The following DCTN1 variants were observed in gnomAD, a reference collection of about 807,000 sequenced individuals.
DCTN1 encodes dynactin subunit 1, also known as 150 kDa dynein-associated polypeptide.
A neutral mutation model predicts 161.2 loss-of-function variants in DCTN1; 61 were observed. The observed-to-expected ratio is 0.38, with a 90% CI of 0.31 to 0.47. The LOEUF (loss-of-function observed/expected upper bound fraction) is 0.47, where lower values mean the gene tolerates loss of function less well. DCTN1 is among the 20% of genes least tolerant of loss of function. DCTN1 has a pLI of 0.99. For missense variants in DCTN1, 1,404 were observed against 1,623.7 expected, an observed-to-expected ratio of 0.86 and a Z score of 2.33; for synonymous variants, 653 against 632.4, an observed-to-expected ratio of 1.03 and a Z score of -0.49.
chr2:74,363,515 C>A (rs757825949), intron 27 of DCTN1, 88 bp from the exon 28 acceptor site: 334 of 1,596,762 alleles, frequency 2.1e-4, no homozygotes, highest in Non-Finnish European at 2.7e-4. Flanking sequence ...TTCCTCATCC[C>A]CCCATCACCC....
At position 74,363,093 on chromosome 2, in the gene DCTN1, G is replaced by T. The variant is rs1399568739; in HGVS notation, c.3430C>A (p.Pro1144Thr). 1.9e-6 allele frequency: 3 copies of T among 1,613,888 alleles called. No individual in the cohort carries two copies. Among genetic ancestry groups the T allele is most frequent in the Middle Eastern group, 1.7e-4 (1 of 6,060 alleles). ...GTCTTACGATACAGCGCTCCAGCTGGTAACTCACTGCCAGGGCCCTCATGG... is the reference window on the plus strand; with the variant it reads ...GTCTTACGATACAGCGCTCCAGCTGTTAACTCACTGCCAGGGCCCTCATGG... ...LSHEGPGSEL[P>T]AGALYRKTSQ... Residue 1144 changes from proline (P) to threonine (T), a missense_variant, in exon 29 of 32, where the codon CCA (proline) becomes ACA (threonine). Physicochemically the swap from Pro to Thr is conservative, Grantham distance 38 (BLOSUM62 -1). Around this residue, in one of 9 missense-constraint regions of DCTN1, gnomAD observed 311 missense variants for 298.9 expected, o/e 1.04. Transcript: ENST00000628224.
intron 23 of DCTN1, 42 bp downstream of exon 23, chr2:74,366,202 C>T: frequency 6.2e-7 from 1 of 1,613,636 alleles, no homozygotes; most frequent in Non-Finnish European, 8.5e-7. Context: ...AAGTCTTACT[C>T]CTACAGGCCT....
rs1282839809 is a variant in DCTN1, at chr2:74,370,427, A to G, written c.1127+39T>C. 6 of 1,614,080 alleles carry G rather than the reference A, an allele frequency of 3.7e-6. No homozygotes were observed. The South Asian group carries it at 5.5e-5, about 15-fold the overall frequency. On this transcript the variant is annotated intron_variant, in intron 11 of 31. Transcript: ENST00000628224. This position sits in a 1 kb window ranked among gnomAD's most constrained non-coding sequence, Gnocchi z 4.4. ...TGGGTGCTCTAACACATTTGGAGAC[A>G]CAAGAGTAAGCATCAGAGGCAAGCA...
At chr2:74,373,875 T>C (rs1464110492) in intron 6 of DCTN1, among the ~76,000 whole-genome samples, 1 of 152,166 alleles carries the variant, frequency 6.6e-6, no homozygotes. Context: ...AGGTTCCCCA[T>C]CCCACCCTGG....
At chr2:74,362,231 CA>C (rs1210152356) in intron 30 of DCTN1, 90 bp from the exon 31 acceptor site, 7 of 1,131,330 alleles carry the variant, frequency 6.2e-6, no homozygotes, top group African/African-American at 3.0e-5. Context: ...ACACTAATAC[CA>C]GGGGGGCAGG....
At chr2:74,391,029 C>T (rs756838320) in intron 1 of DCTN1, 1 of 152,426 alleles carries the variant, frequency 6.6e-6, no homozygotes, top group Non-Finnish European at 1.5e-5. Context: ...AGTTTAACCA[C>T]GAATTTTCCA....
chr2:74,374,479 C>T, intron 5 of DCTN1, 139 bp from the exon 6 acceptor site: 4 of 1,527,190 alleles, frequency 2.6e-6, no homozygotes, highest in East Asian at 2.4e-5. Flanking sequence ...GCGGCGGAGA[C>T]AGGAGATTAG....
intron 26 of DCTN1, 71 bp downstream of exon 26, chr2:74,365,004 C>T: frequency 6.2e-7 from 1 of 1,606,044 alleles, no homozygotes; most frequent in Non-Finnish European, 8.5e-7. Flanking sequence ...GGGCAGAGGT[C>T]AAAATGAGGC....
At position 74,372,930 on chromosome 2, in the gene DCTN1, T is replaced by C; in HGVS notation, c.451A>G (p.Lys151Glu). Residue 151 changes from lysine to glutamate, a missense_variant and splice_region_variant, in exon 7 of 32, where the codon AAG becomes GAG. Around this residue, in one of 9 missense-constraint regions of DCTN1, gnomAD observed 174 missense variants for 175.6 expected, o/e 0.99. Coordinates refer to ENST00000628224, the MANE Select transcript of DCTN1 (RefSeq NM_004082.5). ...CACACAGGGGCCTGTTTTCTCACCT[T>C]GGGTCGCCGAGTTGTGGTCTGGACA... ...TARKTTTRRP[K>E]PTRPASTGVA... 1 of 1,614,110 alleles carries C rather than the reference T, an allele frequency of 6.2e-7. No homozygotes were observed. The highest frequency in any genetic ancestry group is 8.5e-7 in the Non-Finnish European group (1 of 1,179,996).
In DCTN1 at chr2:74,366,328, T is replaced by C. The variant is rs776701882; in HGVS notation, c.2676A>G (p.Ser892=). The change falls in exon 23 of 32, where the codon TCA becomes TCG. Residue 892 remains serine, a synonymous_variant. Coordinates refer to ENST00000628224, the MANE Select transcript of DCTN1 (RefSeq NM_004082.5). Reference sequence around the variant, plus strand: ...TCATGGTACTGATGAGGATGTTGCATGACTGGCGCAGACACTCATAGGGGC... The same window carrying C: ...TCATGGTACTGATGAGGATGTTGCACGACTGGCGCAGACACTCATAGGGGC... The part of the protein sequence containing the change: ...SSSPYECLRQ[S]CNILISTMNK... 2.5e-6 allele frequency: 4 copies of C among 1,614,204 alleles called. No individual in the cohort carries two copies. In the Admixed American group the frequency reaches 5.0e-5, roughly 20 times the overall value.
intron 6 of DCTN1, 31 bp downstream of exon 6, chr2:74,374,292 C>CCAG (rs1675084148): frequency 1.2e-6 from 2 of 1,612,054 alleles, no homozygotes; most frequent in Admixed American, 3.3e-5. Context: ...CCCTGGCAAC[C>CCAG]CAGCAGCAGG....
chr2:74,388,598 A>G (rs1309122901), intron 1 of DCTN1, among the ~76,000 whole-genome samples: 1 of 152,158 alleles, frequency 6.6e-6, no homozygotes, highest in Non-Finnish European at 1.5e-5. Flanking sequence ...CTCCATGTGG[A>G]GCTAATCATT....
chr2:74,363,541 T>A (rs1019286291), intron 27 of DCTN1, 73 bp downstream of exon 27: 20 of 1,600,812 alleles, frequency 1.2e-5, no homozygotes, highest in Non-Finnish European at 1.6e-5. Flanking sequence ...CAGTCCTGGC[T>A]TCCCCCTCCA....
chr2:74,366,316 G>A lies in DCTN1; in HGVS notation c.2688C>T (p.Leu896=). The stretch of plus-strand genomic sequence containing the variant: ...TGGCCAGCTTGTTCATGGTACTGAT[G>A]AGGATGTTGCATGACTGGCGCAGAC... ...YECLRQSCNI[L]ISTMNKLATA... Residue 896 remains leucine (L), a synonymous_variant, in exon 23 of 32, where the codon CTC becomes CTT. Transcript: ENST00000628224. 1.9e-6 allele frequency: 3 copies of A among 1,614,224 alleles called. No individual in the cohort carries two copies. Among genetic ancestry groups the A allele is most frequent in the Non-Finnish European group, 2.5e-6 (3 of 1,180,040 alleles).
chr2:74,364,958 A>G (rs1674289950), intron 26 of DCTN1, 117 bp downstream of exon 26: 1 of 1,295,360 alleles, frequency 7.7e-7, no homozygotes, highest in Admixed American at 1.7e-5. Flanking sequence ...CTGTGTAAGC[A>G]TGTTCCTGGC....
intron 5 of DCTN1, chr2:74,374,692 C>T (rs963865962): frequency 1.7e-5 from 20 of 1,196,276 alleles, no homozygotes; most frequent in Non-Finnish European, 2.0e-5. Flanking sequence ...CTCCACCTGA[C>T]GTCATGCACC....
At chr2:74,387,328 C>T (rs536388999) in intron 1 of DCTN1, among the ~76,000 whole-genome samples, 2 of 151,994 alleles carry the variant, frequency 1.3e-5, no homozygotes, top group East Asian at 3.8e-4. Flanking sequence ...CTTCTGTAAG[C>T]GTGGCTGGGA....
chr2:74,379,861 T>C (rs1675429932), intron 1 of DCTN1, 144 bp downstream of exon 1: 1 of 840,050 alleles, frequency 1.2e-6, no homozygotes, highest in Non-Finnish European at 2.0e-6. Flanking sequence ...CCACCAGGGC[T>C]TCGAGGGCTC....
intron 1 of DCTN1, 23 bp downstream of exon 1, chr2:74,379,982 C>A: frequency 6.2e-7 from 1 of 1,613,662 alleles, no homozygotes; most frequent in Non-Finnish European, 8.5e-7. Flanking sequence ...CCTCCAGGGC[C>A]ATCCCAGATT....
Sources: gnomAD v4.1 joint callset for allele counts (sites outside exome capture counted in the v4.1 genomes callset) on GRCh38, gnomAD v4.1.1 for gene constraint, gnomAD v4.1.1 regional missense constraint, Gnocchi (gnomAD v3.1) non-coding constraint, MANE v1.5 for transcripts, NCBI Gene and HGNC (gene_info 2026-07-23, HGNC 2026-07-21) for gene names.